Variants in ESR1 observed in about 807,000 individuals in gnomAD.
The protein encoded by ESR1 is estrogen receptor.
Under a neutral mutation model 52.7 loss-of-function variants are expected in ESR1, and 12 were observed. The observed-to-expected ratio is 0.23, with a 90% CI of 0.15 to 0.37. The LOEUF is 0.37. Ranked by LOEUF, ESR1 falls within the 10% of genes least tolerant of loss-of-function variation. The probability of loss-of-function intolerance (pLI) is 1.00; values close to 1 mark genes in which losing one functional copy is unlikely to be tolerated. For missense variants in ESR1, 584 were observed against 779.7 expected (o/e 0.75, Z 2.99); for synonymous variants, 305 against 316.8 (o/e 0.96, Z 0.39).
At chr6:151,874,026 C>CT (rs1461982691) in intron 2 of ESR1, among the ~76,000 whole-genome samples, 1 of 152,092 alleles carries the variant, frequency 6.6e-6, no homozygotes, top group Non-Finnish European at 1.5e-5. Context: ...TCCAATGAGG[C>CT]TTTTTCGCAG....
chr6:152,035,533 G>A (rs373749976), intron 5 of ESR1, among the ~76,000 whole-genome samples: 58 of 152,142 alleles, frequency 3.8e-4, no homozygotes, highest in South Asian at 1.9e-3. Context: ...AATTCAGTGC[G>A]TGTCCAATCA....
intron 2 of ESR1, among the ~76,000 whole-genome samples, chr6:151,714,873 T>C (rs1403905944): frequency 6.6e-6 from 1 of 152,232 alleles, no homozygotes; most frequent in Non-Finnish European, 1.5e-5. Flanking sequence ...AATTTGATCC[T>C]GTCATTATGA....
intron 2 of ESR1, among the ~76,000 whole-genome samples, chr6:151,745,333 TG>T (rs1423862682): frequency 6.6e-6 from 1 of 152,172 alleles, no homozygotes; most frequent in Non-Finnish European, 1.5e-5. Flanking sequence ...GGTATGGCTT[TG>T]GTTGCTTACT....
At chr6:151,667,130 C>T (rs531397523) in intron 1 of ESR1, among the ~76,000 whole-genome samples, 1 of 152,272 alleles carries the variant, frequency 6.6e-6, no homozygotes, top group South Asian at 2.1e-4. Context: ...CTAGAGCCTC[C>T]CTTCTTCCTT....
At chr6:152,025,143 G>T (rs2044030576) in intron 5 of ESR1, among the ~76,000 whole-genome samples, 2 of 149,378 alleles carry the variant, frequency 1.3e-5, no homozygotes, top group Non-Finnish European at 3.0e-5. Flanking sequence ...TGTCATTATT[G>T]CATCAAAATT....
chr6:151,880,135 C>A (rs548777259), intron 2 of ESR1, among the ~76,000 whole-genome samples: 8 of 150,298 alleles, frequency 5.3e-5, no homozygotes, highest in Non-Finnish European at 1.0e-4. Context: ...ACTCCTGAAG[C>A]AATTGGCTGC....
intron 1 of ESR1, among the ~76,000 whole-genome samples, chr6:151,823,590 T>G (rs773465812): frequency 7.9e-5 from 12 of 152,180 alleles, no homozygotes; most frequent in Non-Finnish European, 1.6e-4. Flanking sequence ...TCCTTTACAT[T>G]AGGTATATCT....
intron 2 of ESR1, among the ~76,000 whole-genome samples, chr6:151,731,022 C>T (rs1195302022): frequency 6.6e-6 from 1 of 152,066 alleles, no homozygotes; most frequent in Non-Finnish European, 1.5e-5. Context: ...TTCTTTTGTG[C>T]CTTGTTCATC....
At chr6:151,985,072 A>G (rs1167142898) in intron 4 of ESR1, among the ~76,000 whole-genome samples, 1 of 152,124 alleles carries the variant, frequency 6.6e-6, no homozygotes, top group Non-Finnish European at 1.5e-5. Context: ...GTCCCCCAAC[A>G]TAGAGTACTA....
intron 5 of ESR1, among the ~76,000 whole-genome samples, chr6:152,015,003 G>C (rs762207223): frequency 1.3e-5 from 2 of 152,112 alleles, no homozygotes; most frequent in Non-Finnish European, 2.9e-5. Context: ...GGAGGCAGAC[G>C]TTGCAGTGAG....
intron 3 of ESR1, among the ~76,000 whole-genome samples, chr6:151,927,491 A>G (rs564818993): frequency 4.6e-5 from 7 of 152,152 alleles, no homozygotes; most frequent in African/African-American, 1.4e-4. Flanking sequence ...GAAGGTAATT[A>G]GTTATTGAAT....
intron 2 of ESR1, among the ~76,000 whole-genome samples, chr6:151,872,488 G>A (rs1204615844): frequency 6.6e-6 from 1 of 151,962 alleles, no homozygotes; most frequent in Non-Finnish European, 1.5e-5. Context: ...TAGATGTTTT[G>A]GTATGATTTT....
intron 1 of ESR1, among the ~76,000 whole-genome samples, chr6:151,670,762 G>GTTTTTTTTTTTTTTTT (rs35606990): frequency 2.3e-5 from 2 of 85,780 alleles, no homozygotes; most frequent in African/African-American, 4.9e-5. Flanking sequence ...TTTTGTTTTC[G>GTTTTTTTTTTTTTTTT]TTTTTTTTTT....
At chr6:151,688,730 A>G (rs1778783131), upstream of ESR1, among the ~76,000 whole-genome samples, 1 of 152,212 alleles carries the variant, frequency 6.6e-6, no homozygotes. Context: ...TATTTACTTC[A>G]CATTTACATT....
intron 4 of ESR1, among the ~76,000 whole-genome samples, chr6:151,957,813 G>A (rs1040858045): frequency 6.6e-6 from 1 of 152,168 alleles, no homozygotes; most frequent in African/African-American, 2.4e-5. Context: ...TAAAGCCTTG[G>A]CATAACCAAG....
intron 1 of ESR1, among the ~76,000 whole-genome samples, chr6:151,684,083 T>C (rs562141921): frequency 5.3e-5 from 8 of 152,208 alleles, no homozygotes; most frequent in South Asian, 2.1e-4. Flanking sequence ...TCTTCCTTGC[T>C]GGCACAGAGG....
intron 1 of ESR1, among the ~76,000 whole-genome samples, chr6:151,698,364 T>A (rs1366026661): frequency 3.3e-5 from 5 of 150,122 alleles, no homozygotes; most frequent in Non-Finnish European, 5.9e-5. Flanking sequence ...CAGAGCAAGA[T>A]CTTGTCTTAA....
intron 5 of ESR1, among the ~76,000 whole-genome samples, chr6:152,059,333 C>T (rs967925422): frequency 1.3e-5 from 2 of 151,474 alleles, no homozygotes; most frequent in Non-Finnish European, 2.9e-5. Context: ...ATTTATTTTT[C>T]TTTGCTTTTA....
chr6:151,820,879 C>A (rs926629609), intron 1 of ESR1, among the ~76,000 whole-genome samples: 3 of 152,068 alleles, frequency 2.0e-5, no homozygotes, highest in African/African-American at 7.2e-5. Flanking sequence ...TGGTAGCAAC[C>A]TTAGGAATTT....
Sources: allele counts gnomAD v4.1 joint callset (sites outside exome capture counted in the v4.1 genomes callset), GRCh38; gene constraint gnomAD v4.1.1; transcripts MANE v1.5; gene names NCBI Gene and HGNC (gene_info 2026-07-23, HGNC 2026-07-21).